Variants in DOCK7 observed in about 807,000 individuals in gnomAD.
DOCK7 encodes the protein dedicator of cytokinesis protein 7.
A neutral mutation model predicts 271.0 loss-of-function variants in DOCK7; 138 were observed. The observed-to-expected ratio is 0.51, with a 90% CI of 0.44 to 0.59. The LOEUF (loss-of-function observed/expected upper bound fraction) is 0.59. Among genes scored for constraint, DOCK7 ranks in the 20% least tolerant of loss-of-function variants. DOCK7 has a pLI of 0.00. For synonymous variants in DOCK7, 823 were observed against 876.1 expected (o/e 0.94, Z 1.07); for missense variants, 2,066 against 2,592.4 (o/e 0.80, Z 4.41).
intron 43 of DOCK7, chr1:62,484,839 A>G (rs1646247084): frequency 6.6e-6 from 1 of 152,148 alleles, no homozygotes; most frequent in African/African-American, 2.4e-5. Context: ...AAAAAAGAAG[A>G]GTTCAAAACA....
chr1:62,475,703 T>A lies in DOCK7; in HGVS notation c.5961+4A>T, dbSNP rs1355803872. On this transcript the variant is annotated splice_donor_region_variant and intron_variant, in intron 46 of 49. Transcript: ENST00000635253. ...TAATGCTGTTTGCCCATTAATGGACTTACCTCTTCTTTATGAGTGACATTG... is the reference window on the plus strand; with the variant it reads ...TAATGCTGTTTGCCCATTAATGGACATACCTCTTCTTTATGAGTGACATTG... The A allele has an allele frequency of 1.2e-6, 2 of 1,612,974 alleles. No individual in the cohort carries two copies. The highest frequency in any genetic ancestry group is 2.7e-5 in the African/African-American group (2 of 74,910).
intron 29 of DOCK7, 144 bp from the exon 30 acceptor site, chr1:62,529,590 T>C (rs1645115659): frequency 2.0e-6 from 1 of 493,178 alleles, no homozygotes; most frequent in Non-Finnish European, 3.4e-6. Context: ...TGCATTCCAT[T>C]CCTATAAAAC....
chr1:62,531,525 CTCA>C (rs754347647), intron 29 of DOCK7, among the ~76,000 whole-genome samples: 6 of 152,196 alleles, frequency 3.9e-5, no homozygotes, highest in Non-Finnish European at 8.8e-5. Flanking sequence ...CATAAATCCT[CTCA>C]TCTTCTAAAG....
chr1:62,670,868 T>G (rs913873916), intron 1 of DOCK7, among the ~76,000 whole-genome samples: 1 of 152,126 alleles, frequency 6.6e-6, no homozygotes, highest in Non-Finnish European at 1.5e-5. Flanking sequence ...CCTTCCACAC[T>G]GTGGAAGCTT....
chr1:62,552,558 G>A (rs1222580436), intron 22 of DOCK7, among the ~76,000 whole-genome samples, 174 bp downstream of exon 22: 1 of 152,166 alleles, frequency 6.6e-6, no homozygotes, highest in Non-Finnish European at 1.5e-5. Flanking sequence ...GTAAGAGCAA[G>A]CATATTTAAC....
At chr1:62,646,168 A>C (rs200978800) in intron 7 of DOCK7, among the ~76,000 whole-genome samples, 51 of 140,312 alleles carry the variant, frequency 3.6e-4, no homozygotes, top group East Asian at 2.6e-3. Flanking sequence ...AAAAAAAAAA[A>C]CAAAAAAAAA....
intron 40 of DOCK7, among the ~76,000 whole-genome samples, chr1:62,493,992 A>C (rs1004719599): frequency 2.0e-5 from 3 of 152,234 alleles, no homozygotes; most frequent in African/African-American, 7.2e-5. Flanking sequence ...ATTTCCATAG[A>C]TGTTAAAGTA....
intron 7 of DOCK7, among the ~76,000 whole-genome samples, chr1:62,640,512 C>G (rs1395836836): frequency 2.7e-5 from 4 of 148,098 alleles, no homozygotes; most frequent in African/African-American, 1.0e-4. Context: ...CAAAGCAAGA[C>G]CCCGTCTCAA....
At chr1:62,640,373 T>C (rs1655859486) in intron 7 of DOCK7, among the ~76,000 whole-genome samples, 1 of 151,930 alleles carries the variant, frequency 6.6e-6, no homozygotes, top group Admixed American at 6.5e-5. Context: ...ATACAAAAAA[T>C]TAGCCAGGCA....
Position 62,524,931 on chromosome 1 carries a change from CTATATATATA to C in DOCK7, c.3936+3210_3936+3219del, listed in dbSNP as rs147371901. Among the ~76,000 whole-genome samples, 249 of 103,618 alleles carry C rather than the reference CTATATATATA, an allele frequency of 2.4e-3. 16 individuals are homozygous for C. The highest frequency in any genetic ancestry group is 9.1e-3 in the African/African-American group (206 of 22,646). 68.0% of individuals were successfully genotyped at this position (103,618 alleles called of 152,430 possible). A position where few individuals can be genotyped will look rare whatever the true frequency, so the allele number is the denominator to read the frequency against. On this transcript the variant is annotated intron_variant, in intron 31 of 49. Transcript: ENST00000635253. Reference sequence around the variant, plus strand: ...AACAAAACAAAACCAACCAACCAAACTATATATATATATATATATATATATTACTATAAAC... The same window carrying C: ...AACAAAACAAAACCAACCAACCAAACTATATATATATATATTACTATAAAC...
At chr1:62,528,055 C>T (rs934547804) in intron 31 of DOCK7, 96 bp downstream of exon 31, 21 of 1,254,354 alleles carry the variant, frequency 1.7e-5, no homozygotes, top group South Asian at 2.1e-5. Context: ...AGCACTTTTG[C>T]ATCAGCTGAT....
intron 16 of DOCK7, among the ~76,000 whole-genome samples, chr1:62,580,469 G>A (rs1647080784): frequency 6.6e-6 from 1 of 152,042 alleles, no homozygotes; most frequent in African/African-American, 2.4e-5. Flanking sequence ...AATAAAATGA[G>A]ATAATTTTTA....
At chr1:62,591,330 A>G (rs1171391558) in intron 14 of DOCK7, among the ~76,000 whole-genome samples, 2 of 152,150 alleles carry the variant, frequency 1.3e-5, no homozygotes, top group African/African-American at 2.4e-5. Flanking sequence ...AGGAAAAAAC[A>G]GACACAGGGG....
Position 62,529,262 on chromosome 1 carries a change from A to C in DOCK7, c.3781+15T>G. On this transcript the variant is annotated intron_variant, in intron 30 of 49. Coordinates refer to ENST00000635253, the MANE Select transcript of DOCK7 (RefSeq NM_001367561.1). ...GAGCTTTGCCTTTAATATTTGCCTT[A>C]ATTATACTAGGTACCTGTAAAATCA... The C allele has an allele frequency of 6.4e-7, 1 of 1,568,244 alleles. No homozygotes were observed. Among genetic ancestry groups the C allele is most frequent in the Non-Finnish European group, 8.6e-7 (1 of 1,160,782 alleles).
chr1:62,481,066 A>G (rs1646111014), intron 43 of DOCK7, among the ~76,000 whole-genome samples: 1 of 150,814 alleles, frequency 6.6e-6, no homozygotes, highest in African/African-American at 2.4e-5. Flanking sequence ...TGGTCAGGGT[A>G]GGTTTCATCT....
Position 62,648,309 on chromosome 1 carries a change from T to C in DOCK7, c.529A>G (p.Lys177Glu). The change falls in exon 6 of 50, where the codon AAA (lysine) becomes GAA (glutamate). Residue 177 changes from lysine to glutamate, a missense_variant. Transcript: ENST00000635253. ...NSYQDDQDDL[K>E]RRSMSIDDTP... ...TCATCTATTGACATTGAACGTCTTT[T>C]AAGGTCATCCTGTCATGCAAAACAT... 6.2e-7 allele frequency: 1 copy of C among 1,603,808 alleles called. No homozygotes were observed.
intron 1 of DOCK7, among the ~76,000 whole-genome samples, chr1:62,672,705 A>G (rs1660146902): frequency 6.6e-6 from 1 of 152,128 alleles, no homozygotes; most frequent in South Asian, 2.1e-4. Context: ...AATTCTCTGC[A>G]GCAACATTAT....
chr1:62,503,618 T>A (rs1646850522), intron 37 of DOCK7, among the ~76,000 whole-genome samples: 5 of 152,024 alleles, frequency 3.3e-5, no homozygotes, highest in Admixed American at 3.3e-4. Flanking sequence ...TTATTTATTT[T>A]TTTGTAGAGA....
At chr1:62,603,497 C>A (rs1418996414) in intron 14 of DOCK7, among the ~76,000 whole-genome samples, 2 of 151,562 alleles carry the variant, frequency 1.3e-5, no homozygotes, top group Non-Finnish European at 3.0e-5. Flanking sequence ...ACAAAGAAAG[C>A]ATACATTAAG....
Sources: gnomAD v4.1 joint callset for allele counts (sites outside exome capture counted in the v4.1 genomes callset) on GRCh38, gnomAD v4.1.1 for gene constraint, MANE v1.5 for transcripts, NCBI Gene and HGNC (gene_info 2026-07-23, HGNC 2026-07-21) for gene names.